The following EGFR variants were observed in gnomAD, a reference collection of about 807,000 sequenced individuals.
EGFR encodes epidermal growth factor receptor.
Under a neutral mutation model 143.0 loss-of-function variants are expected in EGFR, and 58 were observed. That is an observed-to-expected ratio of 0.41 (90% CI 0.33 to 0.50). The LOEUF is 0.50. Among genes scored for constraint, EGFR ranks in the 20% least tolerant of loss-of-function variants. The pLI, the probability that EGFR is intolerant of heterozygous loss-of-function variation, is 0.39. For synonymous variants in EGFR, 613 were observed against 594.4 expected, an observed-to-expected ratio of 1.03 and a Z score of -0.45; for missense variants, 1,307 against 1,579.0, an observed-to-expected ratio of 0.83 and a Z score of 2.92.
chr7:55,166,839 T>TGAG, intron 15 of EGFR, among the ~76,000 whole-genome samples: 2 of 100,450 alleles, frequency 2.0e-5, no homozygotes, highest in Admixed American at 1.0e-4. Flanking sequence ...GTGGCAGTGT[T>TGAG]GGTGGTGAGG....
intron 1 of EGFR, among the ~76,000 whole-genome samples, chr7:55,059,546 A>G (rs1198798644): frequency 6.6e-6 from 1 of 151,890 alleles, no homozygotes; most frequent in Non-Finnish European, 1.5e-5. Context: ...ACAAATCTAT[A>G]ATGACATGCA....
In EGFR at chr7:55,201,336, C is replaced by T. The variant is rs2128971764; in HGVS notation, c.3095C>T (p.Thr1032Ile). 1 of 1,614,192 alleles carries T rather than the reference C, an allele frequency of 6.2e-7. No homozygotes were observed. The highest frequency in any genetic ancestry group is 8.5e-7 in the Non-Finnish European group (1 of 1,180,038). Residue 1032 changes from threonine to isoleucine, a missense_variant, in exon 25 of 28, where the codon ACT (threonine) becomes ATT (isoleucine). Coordinates refer to ENST00000275493, the MANE Select transcript of EGFR (RefSeq NM_005228.5). Reference sequence around the variant, plus strand: ...TTCAGCAGCCCCTCCACGTCACGGACTCCCCTCCTGAGCTCTCTGGTATGA... The same window carrying T: ...TTCAGCAGCCCCTCCACGTCACGGATTCCCCTCCTGAGCTCTCTGGTATGA... Reference protein sequence around the residue: ...GFFSSPSTSRTPLLSSLSATS... With the variant: ...GFFSSPSTSRIPLLSSLSATS...
intron 1 of EGFR, among the ~76,000 whole-genome samples, chr7:55,081,051 T>C (rs1790437391): frequency 6.6e-6 from 1 of 152,222 alleles, no homozygotes; most frequent in Non-Finnish European, 1.5e-5. Flanking sequence ...AGCTCAATCC[T>C]GGATTTTAAG....
intron 1 of EGFR, among the ~76,000 whole-genome samples, chr7:55,042,375 C>T (rs911862369): frequency 1.3e-5 from 2 of 152,150 alleles, no homozygotes; most frequent in Non-Finnish European, 2.9e-5. Flanking sequence ...CCAGAGCTGG[C>T]ACAAGGCTGG....
At chr7:55,113,076 C>G (rs1358682760) in intron 1 of EGFR, among the ~76,000 whole-genome samples, 1 of 152,218 alleles carries the variant, frequency 6.6e-6, no homozygotes, top group African/African-American at 2.4e-5. Flanking sequence ...CGCTGGATGA[C>G]AGGCACCGAC....
chr7:55,112,949 C>A (rs935909643), intron 1 of EGFR, among the ~76,000 whole-genome samples: 1 of 152,182 alleles, frequency 6.6e-6, no homozygotes, highest in Non-Finnish European at 1.5e-5. Context: ...TCTTGACGAT[C>A]CAGAGATAGT....
rs17290301 is a variant in EGFR, at chr7:55,173,189, G to A, written c.2061+65G>A. 0.024 allele frequency: 37,637 copies of A among 1,592,892 alleles called. 503 individuals carry two copies. Among genetic ancestry groups the A allele is most frequent in the Middle Eastern group, 0.048 (232 of 4,838 alleles). ...CCCGACAGGAACAAGGGCCAGCCCC[G>A]AGAACGGGCCATTAGCAGTTGTGTA... On this transcript the variant is annotated intron_variant, in intron 17 of 27. Transcript: ENST00000275493.
At chr7:55,163,062 G>A (rs1785786330) in intron 13 of EGFR, among the ~76,000 whole-genome samples, 1 of 152,174 alleles carries the variant, frequency 6.6e-6, no homozygotes, top group African/African-American at 2.4e-5. Flanking sequence ...AAAGTGTTGG[G>A]ATTATAGGCA....
chr7:55,180,543 A>G (rs1786812563), intron 19 of EGFR: 1 of 152,996 alleles, frequency 6.5e-6, no homozygotes, highest in South Asian at 2.1e-4. Context: ...GGGGCACAGC[A>G]CAGAGAGACC....
At chr7:55,166,150 G>C in intron 15 of EGFR, 1 of 449,536 alleles carries the variant, frequency 2.2e-6, no homozygotes, top group South Asian at 2.0e-5. Flanking sequence ...AAACTCTGTC[G>C]CAAAAAACAA....
In EGFR at chr7:55,208,860, C is replaced by T. The variant is rs780777874; in HGVS notation, c.*3243C>T. On this transcript the variant is annotated 3_prime_UTR_variant, in exon 28 of 28. Transcript: ENST00000275493. ...AATCTTCTGGTCCCAACCAGAAAGA[C>T]TGTGGCTTGATTTTCTCAGGTGCAG... The T allele has an allele frequency of 6.6e-6, 1 of 152,208 alleles. No homozygotes were observed. Among genetic ancestry groups the T allele is most frequent in the African/African-American group, 2.4e-5 (1 of 41,452 alleles). 9.4% of individuals were successfully genotyped at this position (152,208 alleles called of 1,614,324 possible).
Position 55,111,928 on chromosome 7 carries a change from C to T in EGFR, c.89-30358C>T, listed in dbSNP as rs374064417. On this transcript the variant is annotated intron_variant, in intron 1 of 27. Coordinates refer to ENST00000275493, the MANE Select transcript of EGFR (RefSeq NM_005228.5). The stretch of plus-strand genomic sequence containing the variant: ...CATCTCGTTTAACCAGCAGTCACCA[C>T]CTGACGGATGGCTGATGTGGGGTGG... 2.4e-4 allele frequency among the ~76,000 whole-genome samples: 37 copies of T among 152,340 alleles called. No homozygotes were observed. The East Asian group carries it at 6.8e-3, about 28-fold the overall frequency.
At chr7:55,149,325 G>A (rs1794916262) in intron 4 of EGFR, among the ~76,000 whole-genome samples, 2 of 151,954 alleles carry the variant, frequency 1.3e-5, no homozygotes, top group African/African-American at 2.4e-5. Flanking sequence ...CCCAGAACAT[G>A]AGCAGCCTCT....
intron 1 of EGFR, among the ~76,000 whole-genome samples, chr7:55,031,868 C>T (rs899892208): frequency 6.6e-6 from 1 of 152,116 alleles, no homozygotes; most frequent in Non-Finnish European, 1.5e-5. Flanking sequence ...ATTCCTCTGA[C>T]TTAATATTGA....
intron 1 of EGFR, among the ~76,000 whole-genome samples, chr7:55,096,957 AC>A (rs3832476): frequency 1.3e-5 from 2 of 151,334 alleles, no homozygotes; most frequent in Non-Finnish European, 1.5e-5. Flanking sequence ...TCCGTTCCTT[AC>A]CCCCCCAGCT....
chr7:55,114,862 C>T (rs1792733469), intron 1 of EGFR, among the ~76,000 whole-genome samples: 2 of 148,100 alleles, frequency 1.4e-5, no homozygotes, highest in Admixed American at 6.7e-5. Flanking sequence ...AACACTGCAA[C>T]TTGTATTTGT....
intron 23 of EGFR, among the ~76,000 whole-genome samples, chr7:55,199,295 G>A (rs552632010): frequency 2.0e-5 from 3 of 152,352 alleles, no homozygotes; most frequent in South Asian, 4.1e-4. Flanking sequence ...GTGGATTTAT[G>A]TGAAGTCTCT....
intron 4 of EGFR, among the ~76,000 whole-genome samples, chr7:55,148,791 G>A (rs1243425486): frequency 2.6e-5 from 4 of 152,224 alleles, no homozygotes; most frequent in Admixed American, 1.3e-4. Context: ...GGTAAAGGAA[G>A]CTCCTCTCTT....
At position 55,029,065 on chromosome 7, in the gene EGFR, A is replaced by G. The variant is rs764437395; in HGVS notation, c.88+9700A>G. 6.9e-4 allele frequency among the ~76,000 whole-genome samples: 105 copies of G among 152,222 alleles called. 2 individuals are homozygous for G. Among genetic ancestry groups the G allele is most frequent in the Non-Finnish European group, 5.4e-4 (37 of 68,034 alleles). On this transcript the variant is annotated intron_variant, in intron 1 of 27. Transcript: ENST00000275493. ...TCCCAGCTACTCAGGAGGCTGAGGC[A>G]GGAGAATCACTTAAACCTGGAAGGC...
Sources: gnomAD v4.1 joint callset for allele counts (sites outside exome capture counted in the v4.1 genomes callset) on GRCh38, gnomAD v4.1.1 for gene constraint, MANE v1.5 for transcripts, NCBI Gene and HGNC (gene_info 2026-07-23, HGNC 2026-07-21) for gene names.